The following DTHD1 variants were observed in gnomAD, a reference collection of about 807,000 sequenced individuals.
The protein encoded by DTHD1 is death domain-containing protein 1.
A neutral mutation model predicts 74.8 loss-of-function variants in DTHD1; 59 were observed. The ratio of observed to expected loss-of-function variants is 0.79; its 90% CI spans 0.64 to 0.98. The LOEUF is 0.98. Ranked by LOEUF, DTHD1 falls within the 50% of genes least tolerant of loss-of-function variation. The pLI is 0.00. For missense variants in DTHD1, 1,051 were observed against 1,065.4 expected (o/e 0.99, Z 0.19); for synonymous variants, 365 against 371.1 (o/e 0.98, Z 0.19).
intron 8 of DTHD1, among the ~76,000 whole-genome samples, chr4:36,322,645 G>A (rs924694015): frequency 6.6e-6 from 1 of 152,106 alleles, no homozygotes; most frequent in African/African-American, 2.4e-5. Flanking sequence ...GAAAGATGAT[G>A]AGGTTTGTAA....
At chr4:36,294,501 C>A (rs1256851563) in intron 4 of DTHD1, among the ~76,000 whole-genome samples, 1 of 151,914 alleles carries the variant, frequency 6.6e-6, no homozygotes, top group Admixed American at 6.6e-5. Flanking sequence ...TATAAAACAT[C>A]TATTTTGTTT....
chr4:36,300,710 A>C (rs919975320), intron 5 of DTHD1, among the ~76,000 whole-genome samples: 5 of 152,136 alleles, frequency 3.3e-5, no homozygotes, highest in Admixed American at 1.3e-4. Context: ...CTACCTAAGA[A>C]GGAAATGATA....
At chr4:36,306,035 T>C (rs976867103) in intron 5 of DTHD1, among the ~76,000 whole-genome samples, 156 bp from the exon 6 acceptor site, 5 of 152,234 alleles carry the variant, frequency 3.3e-5, no homozygotes, top group Non-Finnish European at 7.3e-5. Flanking sequence ...GTTATATAGT[T>C]TGATCTCTGT....
intron 5 of DTHD1, among the ~76,000 whole-genome samples, chr4:36,299,982 T>C (rs1756664446): frequency 6.6e-6 from 1 of 152,060 alleles, no homozygotes. Flanking sequence ...AAAAAAGTTC[T>C]ACTTGGCCCT....
chr4:36,337,343 T>A lies in DTHD1; in HGVS notation c.2341-1769T>A, dbSNP rs530016911. Reference sequence around the variant, plus strand: ...TGTGCATCAGGTGAAGTACTTGAATTGCAATTTCATGTGCATGAAAAAAAA... The same window carrying A: ...TGTGCATCAGGTGAAGTACTTGAATAGCAATTTCATGTGCATGAAAAAAAA... On this transcript the variant is annotated intron_variant, in intron 8 of 9. Coordinates refer to ENST00000639862, the MANE Select transcript of DTHD1 (RefSeq NM_001170700.3). 3.9e-5 allele frequency among the ~76,000 whole-genome samples: 6 copies of A among 152,258 alleles called. 1 individual carries two copies. In the South Asian group the frequency reaches 1.2e-3, roughly 32 times the overall value.
intron 3 of DTHD1, among the ~76,000 whole-genome samples, chr4:36,291,782 C>T (rs79094840): frequency 0.066 from 10,112 of 152,190 alleles, 604 homozygotes; most frequent in African/African-American, 0.16. Flanking sequence ...GAGCCGAGAT[C>T]GCACCCCTGC....
intron 9 of DTHD1, 55 bp from the exon 10 acceptor site, chr4:36,343,447 C>T: frequency 3.4e-6 from 5 of 1,486,026 alleles, no homozygotes; most frequent in Non-Finnish European, 4.5e-6. Context: ...GGGTTAGACC[C>T]ATGCATCCCC....
Position 36,344,574 on chromosome 4 carries a change from C to T in DTHD1, c.*750C>T, listed in dbSNP as rs1759496303. On this transcript the variant is annotated 3_prime_UTR_variant, in exon 10 of 10. Coordinates refer to ENST00000639862, the MANE Select transcript of DTHD1 (RefSeq NM_001170700.3). ...CCAAAGTTTTATAATGCAGATGAAG[C>T]CTCCAGGTAGCAGACTTTAGAGGGA... is the stretch of plus-strand genomic sequence containing the variant. The T allele has an allele frequency of 6.6e-6, 1 of 152,182 alleles. No homozygotes were observed. The highest frequency in any genetic ancestry group is 2.4e-5 in the African/African-American group (1 of 41,424). 9.4% of individuals were successfully genotyped at this position (152,182 alleles called of 1,614,324 possible). A position where few individuals can be genotyped will look rare whatever the true frequency, so the allele number is the denominator to read the frequency against.
chr4:36,337,684 T>C (rs900402816), intron 8 of DTHD1, among the ~76,000 whole-genome samples: 1 of 152,186 alleles, frequency 6.6e-6, no homozygotes, highest in South Asian at 2.1e-4. Context: ...CAAAACTTCT[T>C]AATGGAAGTT....
At chr4:36,284,921 C>T (rs1391455754) in intron 2 of DTHD1, among the ~76,000 whole-genome samples, 4 of 152,148 alleles carry the variant, frequency 2.6e-5, no homozygotes, top group Non-Finnish European at 4.4e-5. Flanking sequence ...CCCTCATGAC[C>T]TAATCATATC....
chr4:36,313,324 C>T (rs1256631909), intron 7 of DTHD1, among the ~76,000 whole-genome samples: 2 of 151,180 alleles, frequency 1.3e-5, no homozygotes, highest in Non-Finnish European at 2.9e-5. Context: ...GAAAAAGATT[C>T]TCAAAAGGTC....
chr4:36,298,634 C>A (rs929730726), intron 5 of DTHD1, among the ~76,000 whole-genome samples: 1 of 151,998 alleles, frequency 6.6e-6, no homozygotes, highest in Admixed American at 6.6e-5. Context: ...CTATTTGAGG[C>A]CAAAGCATAG....
At chr4:36,323,241 T>C (rs985422168) in intron 8 of DTHD1, among the ~76,000 whole-genome samples, 1 of 152,172 alleles carries the variant, frequency 6.6e-6, no homozygotes, top group Non-Finnish European at 1.5e-5. Context: ...TTCAACACTT[T>C]CTTTCTCACC....
chr4:36,343,082 T>G (rs1219233302), intron 9 of DTHD1, among the ~76,000 whole-genome samples: 1 of 124,268 alleles, frequency 8.0e-6, no homozygotes, highest in Admixed American at 8.2e-5. Context: ...AGAGCGAGAC[T>G]CAACAAACAA....
Position 36,284,550 on chromosome 4 carries a change from T to G in DTHD1, c.846T>G (p.Asp282Glu), listed in dbSNP as rs1476850200. Residue 282 changes from aspartate (D) to glutamate (E), a missense_variant, in exon 2 of 10, where the codon GAT becomes GAG. Transcript: ENST00000639862. ...KKYINSTLPN[D>E]SENIKHKNNI... ...ATATAAATAGTACTCTTCCCAATGA[T>G]TCAGAGAATATAAAGCACAAGAATA... is the stretch of plus-strand genomic sequence containing the variant. The G allele has an allele frequency of 1.3e-6, 2 of 1,527,850 alleles. No homozygotes were observed. The highest frequency in any genetic ancestry group is 1.7e-6 in the Non-Finnish European group (2 of 1,143,988). 94.6% of individuals were successfully genotyped at this position (1,527,850 alleles called of 1,614,324 possible). A position where few individuals can be genotyped will look rare whatever the true frequency, so the allele number is the denominator to read the frequency against.
intron 8 of DTHD1, among the ~76,000 whole-genome samples, chr4:36,335,143 C>G (rs1758934822): frequency 6.6e-6 from 1 of 152,140 alleles, no homozygotes; most frequent in African/African-American, 2.4e-5. Context: ...TAGAATTTGA[C>G]CAGTTCCTTG....
chr4:36,322,558 A>C (rs542560603), intron 8 of DTHD1, among the ~76,000 whole-genome samples: 1 of 151,558 alleles, frequency 6.6e-6, no homozygotes, highest in Non-Finnish European at 1.5e-5. Flanking sequence ...AAGTTCCAAG[A>C]CTCCGAGACG....
At chr4:36,335,268 G>A (rs369038123) in intron 8 of DTHD1, among the ~76,000 whole-genome samples, 53 of 152,242 alleles carry the variant, frequency 3.5e-4, no homozygotes, top group African/African-American at 1.2e-3. Flanking sequence ...CTGTCATGAA[G>A]GCTGGAGTGC....
At chr4:36,306,934 A>G (rs1403286995) in intron 6 of DTHD1, among the ~76,000 whole-genome samples, 1 of 152,254 alleles carries the variant, frequency 6.6e-6, no homozygotes, top group South Asian at 2.1e-4. Flanking sequence ...TTATTGAAAG[A>G]AAGCTCTTGG....
Sources: gnomAD v4.1 joint callset for allele counts (sites outside exome capture counted in the v4.1 genomes callset) on GRCh38, gnomAD v4.1.1 for gene constraint, MANE v1.5 for transcripts, NCBI Gene and HGNC (gene_info 2026-07-23, HGNC 2026-07-21) for gene names.